CUX2: variants seen among roughly 807,000 people sequenced by gnomAD.
CUX2 encodes the protein cut like homeobox 2.
Under a neutral mutation model 144.8 loss-of-function variants are expected in CUX2, and 40 were observed. The ratio of observed to expected loss-of-function variants is 0.28; its 90% CI spans 0.21 to 0.36. The LOEUF (loss-of-function observed/expected upper bound fraction) is 0.36. Ranked by LOEUF, CUX2 falls within the 10% of genes least tolerant of loss-of-function variation. The probability of loss-of-function intolerance (pLI) is 1.00; values close to 1 mark genes in which losing one functional copy is unlikely to be tolerated. For missense variants in CUX2, 1,615 were observed against 1,994.0 expected (o/e 0.81, Z 3.62); for synonymous variants, 827 against 875.6 (o/e 0.94, Z 0.98).
chr12:111,270,463 A>T (rs1326296667), intron 4 of CUX2: 4 of 152,190 alleles, frequency 2.6e-5, no homozygotes, highest in Non-Finnish European at 5.9e-5. Flanking sequence ...AGTGAGAAAA[A>T]AAAAGCAGTA....
At chr12:111,095,336 G>C (rs1872757586) in intron 1 of CUX2, among the ~76,000 whole-genome samples, 1 of 152,156 alleles carries the variant, frequency 6.6e-6, no homozygotes, top group Non-Finnish European at 1.5e-5. Context: ...GCGCACGTCT[G>C]TAGTCCCAGC....
intron 1 of CUX2, among the ~76,000 whole-genome samples, chr12:111,119,852 G>A (rs1308912568): frequency 6.6e-6 from 1 of 152,188 alleles, no homozygotes; most frequent in African/African-American, 2.4e-5. Flanking sequence ...GAGGTCAGGA[G>A]TTCGAGACCA....
At chr12:111,185,514 A>C (rs979623549) in intron 1 of CUX2, among the ~76,000 whole-genome samples, 1 of 152,234 alleles carries the variant, frequency 6.6e-6, no homozygotes, top group South Asian at 2.1e-4. Context: ...CTTCACCCAC[A>C]GTTCCTAGCT....
At position 111,160,712 on chromosome 12, in the gene CUX2, C is replaced by T. The variant is rs1877703226; in HGVS notation, c.64-53488C>T. 3.3e-5 allele frequency among the ~76,000 whole-genome samples: 5 copies of T among 152,010 alleles called. No homozygotes were observed. The highest frequency in any genetic ancestry group is 4.1e-4 in the South Asian group (2 of 4,820). On this transcript the variant is annotated intron_variant, in intron 1 of 21. Transcript: ENST00000261726. The surrounding 1 kb of genome is among the most constrained non-coding windows in gnomAD (Gnocchi z 4.1). Reference sequence around the variant, plus strand: ...TCAGGGGATTCCTCTGGAACAGCACCGTGGGGGGCAGGCGGTGGCCTGGAG... The same window carrying T: ...TCAGGGGATTCCTCTGGAACAGCACTGTGGGGGGCAGGCGGTGGCCTGGAG...
Position 111,287,687 on chromosome 12 carries a change from G to A in CUX2, c.302-3731G>A, listed in dbSNP as rs1786542187. 6.6e-6 allele frequency among the ~76,000 whole-genome samples: 1 copy of A among 152,254 alleles called. No homozygotes were observed. The highest frequency in any genetic ancestry group is 2.4e-5 in the African/African-American group (1 of 41,468). ...CCCTGCCTAATGACGGGGCGTGGGG[G>A]CTGCCGGCAGATGAAAGCCACCGCC... On this transcript the variant is annotated intron_variant, in intron 4 of 21. Coordinates refer to ENST00000261726, the MANE Select transcript of CUX2 (RefSeq NM_015267.4). This position sits in a 1 kb window ranked among gnomAD's most constrained non-coding sequence, Gnocchi z 4.2.
At chr12:111,127,785 G>A (rs773348237) in intron 1 of CUX2, among the ~76,000 whole-genome samples, 36 of 152,214 alleles carry the variant, frequency 2.4e-4, no homozygotes, top group Non-Finnish European at 1.2e-4. Flanking sequence ...TGGCTGGGGA[G>A]GCCTCACAAT....
chr12:111,235,437 G>A (rs1261655609), intron 3 of CUX2, among the ~76,000 whole-genome samples: 2 of 151,996 alleles, frequency 1.3e-5, no homozygotes, highest in South Asian at 2.1e-4. Context: ...AGAATGAGAC[G>A]AGCGGCCAGG....
At chr12:111,159,398 C>T (rs1877610532) in intron 1 of CUX2, among the ~76,000 whole-genome samples, 1 of 151,790 alleles carries the variant, frequency 6.6e-6, no homozygotes. Flanking sequence ...AATGCTCCTG[C>T]CTTGGCCTCC....
chr12:111,331,711 C>T (rs1019294338), intron 18 of CUX2, among the ~76,000 whole-genome samples: 36 of 152,134 alleles, frequency 2.4e-4, no homozygotes, highest in Admixed American at 2.4e-3. Flanking sequence ...CAAAGTCATC[C>T]ACCCGAGATC....
intron 1 of CUX2, among the ~76,000 whole-genome samples, chr12:111,100,966 A>G (rs138349689): frequency 4.4e-4 from 67 of 152,290 alleles, no homozygotes; most frequent in African/African-American, 1.5e-3. Context: ...CAGAGCCTGG[A>G]AAACCCTCCC....
At chr12:111,109,545 T>C (rs1481177368) in intron 1 of CUX2, among the ~76,000 whole-genome samples, 1 of 152,182 alleles carries the variant, frequency 6.6e-6, no homozygotes, top group Non-Finnish European at 1.5e-5. Flanking sequence ...GGAGGACAAG[T>C]TGATCCAAGC....
Position 111,157,006 on chromosome 12 carries a change from AAAACAG to A in CUX2, c.64-57182_64-57177del, listed in dbSNP as rs1469287980. Among the ~76,000 whole-genome samples the A allele has an allele frequency of 2.3e-3, 345 of 150,136 alleles. 1 individual carries two copies. Among genetic ancestry groups the A allele is most frequent in the South Asian group, 7.2e-3 (34 of 4,712 alleles). ...CTCTCAAAAAAAAAAAAAAAAAAAA[AAAACAG>A]AAACAGAAACAAAAAACAGGAGTAA... On this transcript the variant is annotated intron_variant, in intron 1 of 21. Transcript: ENST00000261726.
In CUX2 at chr12:111,034,404, A is replaced by G. The variant is rs1869311827; in HGVS notation, c.63+164A>G. 6.6e-6 allele frequency among the ~76,000 whole-genome samples: 1 copy of G among 151,020 alleles called. No individual in the cohort carries two copies. The highest frequency in any genetic ancestry group is 1.5e-5 in the Non-Finnish European group (1 of 67,676). On this transcript the variant is annotated intron_variant, in intron 1 of 21. Transcript: ENST00000261726. The surrounding 1 kb of genome is among the most constrained non-coding windows in gnomAD (Gnocchi z 4.2). ...CGCCCGCTGCCCATCGATAGGTATT[A>G]GGAATTGATCTCGCCGCTGCTCTTT...
intron 16 of CUX2, among the ~76,000 whole-genome samples, chr12:111,314,281 C>A (rs989235857): frequency 1.3e-5 from 2 of 152,060 alleles, no homozygotes; most frequent in African/African-American, 4.8e-5. Flanking sequence ...CTAGCCAGGG[C>A]TGGGTGTGGC....
chr12:111,325,080 T>C (rs1217015057), intron 18 of CUX2, among the ~76,000 whole-genome samples: 1 of 150,664 alleles, frequency 6.6e-6, no homozygotes, highest in African/African-American at 2.4e-5. Context: ...GGTCAGGAGA[T>C]TGAGACCATC....
intron 1 of CUX2, among the ~76,000 whole-genome samples, chr12:111,067,059 T>G (rs1871050720): frequency 6.6e-6 from 1 of 152,192 alleles, no homozygotes; most frequent in East Asian, 1.9e-4. Context: ...GGACTGGCCC[T>G]TGGGTGCTCC....
chr12:111,081,728 G>C (rs899468952), intron 1 of CUX2, among the ~76,000 whole-genome samples: 4 of 152,232 alleles, frequency 2.6e-5, no homozygotes, highest in Non-Finnish European at 5.9e-5. Flanking sequence ...AATTGGTGCT[G>C]TGGTGGTGAC....
chr12:111,230,013 CAAAA>C (rs532647802), intron 3 of CUX2, among the ~76,000 whole-genome samples: 1 of 77,974 alleles, frequency 1.3e-5, no homozygotes, highest in Non-Finnish European at 2.7e-5. Context: ...GACCCTGTCT[CAAAA>C]AAAAAAAAAA....
At chr12:111,041,910 G>C (rs936066475) in intron 1 of CUX2, among the ~76,000 whole-genome samples, 6 of 152,184 alleles carry the variant, frequency 3.9e-5, no homozygotes, top group African/African-American at 1.4e-4. Flanking sequence ...CGGTTAGTAG[G>C]GTTCAGAGCC....
Sources: allele counts gnomAD v4.1 joint callset (sites outside exome capture counted in the v4.1 genomes callset), GRCh38; gene constraint gnomAD v4.1.1; non-coding constraint Gnocchi (gnomAD v3.1); transcripts MANE v1.5; gene names NCBI Gene and HGNC (gene_info 2026-07-23, HGNC 2026-07-21).